CFAP298: variants seen among roughly 807,000 people sequenced by gnomAD.
CFAP298 encodes cilia and flagella associated protein 298.
CFAP298 carries 38 observed loss-of-function variants against 41.0 expected under a neutral mutation model. The observed-to-expected ratio is 0.93, with a 90% CI of 0.72 to 1.22. The LOEUF (loss-of-function observed/expected upper bound fraction) is 1.22. CFAP298 is among the 50% of genes most tolerant of loss of function. The pLI is 0.00. For synonymous variants in CFAP298, 137 were observed against 135.3 expected, an observed-to-expected ratio of 1.01 and a Z score of -0.09; for missense variants, 348 against 360.3, an observed-to-expected ratio of 0.97 and a Z score of 0.28.
At chr21:32,604,312 A>G in intron 3 of CFAP298, 29 bp from the exon 4 acceptor site, 1 of 1,613,276 alleles carries the variant, frequency 6.2e-7, no homozygotes, top group South Asian at 1.1e-5. Flanking sequence ...CGTTATCTAC[A>G]GTGTGGCTAA....
chr21:32,605,071 C>G (rs1029379071), intron 3 of CFAP298, among the ~76,000 whole-genome samples: 18 of 152,224 alleles, frequency 1.2e-4, no homozygotes, highest in African/African-American at 3.9e-4. Context: ...CCCAGCTACT[C>G]AGCAGGCTGA....
chr21:32,607,769 T>C, intron 2 of CFAP298, 53 bp from the exon 3 acceptor site: 1 of 1,066,456 alleles, frequency 9.4e-7, no homozygotes, highest in African/African-American at 1.6e-5. Flanking sequence ...ACAAAGCCTC[T>C]TCTGAAATAC....
At chr21:32,608,224 C>CAAAAAAAAA (rs751998741) in intron 2 of CFAP298, among the ~76,000 whole-genome samples, 27 of 93,862 alleles carry the variant, frequency 2.9e-4, no homozygotes, top group African/African-American at 2.9e-4. Context: ...GCTTAGAAGC[C>CAAAAAAAAA]AAAAAAAAAA....
At chr21:32,609,338 T>G (rs567737195) in intron 2 of CFAP298, among the ~76,000 whole-genome samples, 1 of 152,222 alleles carries the variant, frequency 6.6e-6, no homozygotes, top group Non-Finnish European at 1.5e-5. Flanking sequence ...CGAATACATA[T>G]AAAAGCAAGC....
rs771180526 is a variant in CFAP298 at position 32,604,325 on chromosome 21, A to G, written c.376-42T>C. Reference sequence around the variant, plus strand: ...ATCGTTATCTACAGTGTGGCTAATCACTTCCATAAATTCGATCAAGATCTT... The same window carrying G: ...ATCGTTATCTACAGTGTGGCTAATCGCTTCCATAAATTCGATCAAGATCTT... On this transcript the variant is annotated intron_variant, in intron 3 of 6. Coordinates refer to ENST00000290155, the MANE Select transcript of CFAP298 (RefSeq NM_021254.4). 8 of 1,609,208 alleles carry G rather than the reference A, an allele frequency of 5.0e-6. No homozygotes were observed. In the South Asian group the frequency reaches 8.8e-5, roughly 18 times the overall value.
chr21:32,603,407 G>GAGTC, intron 4 of CFAP298, 115 bp from the exon 5 acceptor site: 11 of 1,107,294 alleles, frequency 9.9e-6, no homozygotes, highest in Non-Finnish European at 1.4e-5. Flanking sequence ...CTCACCATGG[G>GAGTC]AGGCCTGACT....
intron 2 of CFAP298, among the ~76,000 whole-genome samples, chr21:32,608,750 AT>A (rs1052543970): frequency 2.0e-4 from 31 of 151,308 alleles, no homozygotes; most frequent in Non-Finnish European, 3.2e-4. Context: ...TGGTTCTCAT[AT>A]TTTTTTTCCT....
intron 2 of CFAP298, among the ~76,000 whole-genome samples, chr21:32,607,956 T>A (rs995487258): frequency 6.6e-6 from 1 of 152,032 alleles, no homozygotes; most frequent in Non-Finnish European, 1.5e-5. Flanking sequence ...AAAACAGAAA[T>A]GCATGTCGTT....
At position 32,607,637 on chromosome 21, in the gene CFAP298, A is replaced by G. The variant is rs1271587657; in HGVS notation, c.375+12T>C. The G allele has an allele frequency of 3.3e-6, 5 of 1,503,932 alleles. No homozygotes were observed. The South Asian group carries it at 4.8e-5, about 15-fold the overall frequency. 93.2% of individuals were successfully genotyped at this position (1,503,932 alleles called of 1,614,324 possible). A position where few individuals can be genotyped will look rare whatever the true frequency, so the allele number is the denominator to read the frequency against. ...CCCAACAAGTTTTAGTGCATCATTT[A>G]AAAAAGCCAACCTTAGATATTATTG... On this transcript the variant is annotated intron_variant, in intron 3 of 6. Coordinates refer to ENST00000290155, the MANE Select transcript of CFAP298 (RefSeq NM_021254.4).
intron 5 of CFAP298, chr21:32,602,764 G>T: frequency 7.6e-7 from 1 of 1,309,750 alleles, no homozygotes; most frequent in Non-Finnish European, 9.7e-7. Context: ...AGGTTACAGC[G>T]CTACACGATG....
intron 3 of CFAP298, among the ~76,000 whole-genome samples, chr21:32,606,997 G>T (rs1490805910): frequency 6.6e-6 from 1 of 152,112 alleles, no homozygotes; most frequent in Non-Finnish European, 1.5e-5. Flanking sequence ...AGAGCTACTC[G>T]ATGGCCACAA....
At chr21:32,603,816 A>C (rs2038806748) in intron 4 of CFAP298, among the ~76,000 whole-genome samples, 1 of 152,228 alleles carries the variant, frequency 6.6e-6, no homozygotes, top group African/African-American at 2.4e-5. Flanking sequence ...ATTTGGGTAG[A>C]AATAGGAAGA....
rs2039016871 is a variant in CFAP298, at chr21:32,612,177, C to T, written c.67G>A (p.Glu23Lys). Residue 23 changes from glutamate to lysine, a missense_variant, in exon 1 of 7, where the codon GAG (glutamate) becomes AAG (lysine). Physicochemically the swap from Glu to Lys is moderately conservative, Grantham distance 56. Transcript: ENST00000290155. ...ACCTGCACCGTGAGCTCCTCCAGCT[C>T]GGTACTCCCAGGCGCCTGCAGCAGG... ...QFLLQAPGST[E>K]LEELTVQVAR... 6.2e-7 allele frequency: 1 copy of T among 1,604,142 alleles called. No individual in the cohort carries two copies. Among genetic ancestry groups the T allele is most frequent in the Admixed American group, 1.7e-5 (1 of 58,878 alleles).
At chr21:32,609,211 C>T (rs2038936257) in intron 2 of CFAP298, among the ~76,000 whole-genome samples, 2 of 152,174 alleles carry the variant, frequency 1.3e-5, no homozygotes, top group Non-Finnish European at 2.9e-5. Flanking sequence ...CAAAACACAA[C>T]TCTGAATACA....
intron 2 of CFAP298, 38 bp downstream of exon 2, chr21:32,609,800 G>A (rs2038947508): frequency 1.3e-6 from 2 of 1,558,944 alleles, no homozygotes; most frequent in Non-Finnish European, 8.8e-7. Flanking sequence ...ACTTATGCCT[G>A]TATCAAGCAT....
chr21:32,602,674 T>A (rs2038769936), intron 5 of CFAP298: 1 of 1,252,366 alleles, frequency 8.0e-7, no homozygotes, highest in African/African-American at 1.5e-5. Flanking sequence ...ACTCTGGATC[T>A]ACATAAGGTG....
At chr21:32,609,064 G>GT (rs1314329995) in intron 2 of CFAP298, among the ~76,000 whole-genome samples, 1 of 152,184 alleles carries the variant, frequency 6.6e-6, no homozygotes, top group Non-Finnish European at 1.5e-5. Context: ...TTTCCTCAGT[G>GT]TTTTGCCGTG....
chr21:32,610,074 A>T (rs1370674718), intron 1 of CFAP298, 69 bp from the exon 2 acceptor site: 2 of 1,398,012 alleles, frequency 1.4e-6, no homozygotes, highest in African/African-American at 2.9e-5. Flanking sequence ...TAAGCTCCAA[A>T]GAGTCAGGGG....
Position 32,601,263 on chromosome 21 carries a change from CAATCAGGAAGAAAA to C in CFAP298, c.*586_*599del, listed in dbSNP as rs1480017365. Among the ~76,000 whole-genome samples, 1 of 137,048 alleles carries C rather than the reference CAATCAGGAAGAAAA, an allele frequency of 7.3e-6. No homozygotes were observed. Among genetic ancestry groups the C allele is most frequent in the Middle Eastern group, 3.7e-3 (1 of 270 alleles). 89.9% of individuals were successfully genotyped at this position (137,048 alleles called of 152,430 possible). A position where few individuals can be genotyped will look rare whatever the true frequency, so the allele number is the denominator to read the frequency against. On this transcript the variant is annotated 3_prime_UTR_variant, in exon 7 of 7. Coordinates refer to ENST00000290155, the MANE Select transcript of CFAP298 (RefSeq NM_021254.4). ...AACCAGTTATCATGAGAATATAAAA[CAATCAGGAAGAAAA>C]AAAAGTGTAGCTTTTTTTTTTTTTT...
Sources: gnomAD v4.1 joint callset for allele counts (sites outside exome capture counted in the v4.1 genomes callset) on GRCh38, gnomAD v4.1.1 for gene constraint, MANE v1.5 for transcripts, NCBI Gene and HGNC (gene_info 2026-07-23, HGNC 2026-07-21) for gene names.